The following PRKN variants were observed in gnomAD, a reference collection of about 807,000 sequenced individuals.
PRKN encodes the protein parkin RBR E3 ubiquitin protein ligase.
In PRKN, 56 loss-of-function variants were observed where a neutral mutation model predicts 59.5. That is an observed-to-expected ratio of 0.94 (90% CI 0.76 to 1.18). The LOEUF (loss-of-function observed/expected upper bound fraction) is 1.18, where lower values mean the gene tolerates loss of function less well. Among genes scored for constraint, PRKN ranks in the 50% most tolerant of loss-of-function variants. The pLI, the probability that PRKN is intolerant of heterozygous loss-of-function variation, is 0.00. For missense variants in PRKN, 657 were observed against 596.4 expected, an observed-to-expected ratio of 1.10 and a Z score of -1.06; for synonymous variants, 250 against 222.1, an observed-to-expected ratio of 1.13 and a Z score of -1.12.
chr6:161,889,660 T>C (rs1251070153), intron 6 of PRKN, among the ~76,000 whole-genome samples: 1 of 152,182 alleles, frequency 6.6e-6, no homozygotes, highest in Non-Finnish European at 1.5e-5. Flanking sequence ...CACAGTAATT[T>C]CTACAGGTGT....
chr6:162,450,271 T>C (rs12194250), intron 1 of PRKN, among the ~76,000 whole-genome samples: 11 of 149,300 alleles, frequency 7.4e-5, no homozygotes. Context: ...CCCCTATGAC[T>C]GTAAATGCCC....
chr6:162,682,693 G>C (rs995965770), intron 1 of PRKN, among the ~76,000 whole-genome samples: 2 of 151,954 alleles, frequency 1.3e-5, no homozygotes, highest in African/African-American at 4.8e-5. Context: ...TTGTATATCA[G>C]ATCAACAGGC....
intron 4 of PRKN, among the ~76,000 whole-genome samples, chr6:162,170,446 C>CA (rs1176817336): frequency 6.6e-6 from 1 of 151,880 alleles, no homozygotes; most frequent in East Asian, 1.9e-4. Flanking sequence ...CCTCTCTGTC[C>CA]AAAAAAATAC....
intron 3 of PRKN, among the ~76,000 whole-genome samples, chr6:162,202,058 C>A (rs1232344875): frequency 6.6e-6 from 1 of 152,118 alleles, no homozygotes; most frequent in African/African-American, 2.4e-5. Context: ...AGAAATACAA[C>A]CTTCTTCCTG....
chr6:162,349,016 C>A (rs1292296677), intron 2 of PRKN, among the ~76,000 whole-genome samples: 2 of 152,088 alleles, frequency 1.3e-5, no homozygotes, highest in East Asian at 3.9e-4. Context: ...ATGAAATGGA[C>A]AAATTCTTTG....
rs1562433349 is a variant in PRKN, at chr6:161,977,541, G to GTTTTTTTTTTTTTTTTTTT, written c.619-4125_619-4124insAAAAAAAAAAAAAAAAAAA. On this transcript the variant is annotated intron_variant, in intron 5 of 11. Transcript: ENST00000366898. Reference sequence around the variant, plus strand: ...TATCTTCTCTACTTTCTGTTTTTTTGGTTTTTTTTTTTTTTTTTTTTTTTA... The same window carrying GTTTTTTTTTTTTTTTTTTT: ...TATCTTCTCTACTTTCTGTTTTTTTGTTTTTTTTTTTTTTTTTTTGTTTTTTTTTTTTTTTTTTTTTTTA... Among the ~76,000 whole-genome samples, 9 of 98,714 alleles carry GTTTTTTTTTTTTTTTTTTT rather than the reference G, an allele frequency of 9.1e-5. 4 individuals carry two copies. The highest frequency in any genetic ancestry group is 7.6e-5 in the Non-Finnish European group (4 of 52,504). 64.8% of individuals were successfully genotyped at this position (98,714 alleles called of 152,430 possible).
intron 7 of PRKN, among the ~76,000 whole-genome samples, chr6:161,775,325 C>A (rs1388953349): frequency 6.6e-6 from 1 of 152,080 alleles, no homozygotes; most frequent in Non-Finnish European, 1.5e-5. Flanking sequence ...TCACTGCAAC[C>A]TCAGCCTCCC....
Position 161,409,939 on chromosome 6 carries a change from A to C in PRKN, c.1084-23062T>G, listed in dbSNP as rs1787446461. ...TTCAGGTGAGAAGCAGAATTGGAAA[A>C]TATTTCAGGGAGTATTTGAAACAGG... On this transcript the variant is annotated intron_variant, in intron 9 of 11. Transcript: ENST00000366898. This position sits in a 1 kb window ranked among gnomAD's most constrained non-coding sequence, Gnocchi z 4.6. 6.6e-6 allele frequency among the ~76,000 whole-genome samples: 1 copy of C among 152,212 alleles called. No individual in the cohort carries two copies.
intron 6 of PRKN, among the ~76,000 whole-genome samples, chr6:161,859,285 C>T (rs944392733): frequency 1.3e-5 from 2 of 152,152 alleles, no homozygotes; most frequent in African/African-American, 2.4e-5. Flanking sequence ...GCGTACCTCT[C>T]TCTTCTCACA....
At position 161,529,947 on chromosome 6, in the gene PRKN, T is replaced by A. The variant is rs776473145; in HGVS notation, c.1083+18907A>T. ...TATATAATAAAATAACACAGGAACA[T>A]TAATCTACTTTGTAGAGTAGTGAAA... On this transcript the variant is annotated intron_variant, in intron 9 of 11. Transcript: ENST00000366898. The surrounding 1 kb of genome is among the most constrained non-coding windows in gnomAD (Gnocchi z 4.4). Among the ~76,000 whole-genome samples the A allele has an allele frequency of 6.6e-6, 1 of 152,178 alleles. No individual in the cohort carries two copies. The highest frequency in any genetic ancestry group is 1.5e-5 in the Non-Finnish European group (1 of 68,040).
rs551102648 is a variant in PRKN, at chr6:161,597,350, T to C, written c.872-27934A>G. ...AAGGAAGCTGTGCTCCATGAATATT[T>C]TCATATTTCACATTTCTGCATAGCT... On this transcript the variant is annotated intron_variant, in intron 7 of 11. Transcript: ENST00000366898. Among the ~76,000 whole-genome samples, 8 of 152,334 alleles carry C rather than the reference T, an allele frequency of 5.3e-5. No individual in the cohort carries two copies. The South Asian group carries it at 8.3e-4, about 16-fold the overall frequency.
chr6:162,288,920 C>G (rs1433224419), intron 2 of PRKN, among the ~76,000 whole-genome samples: 2 of 152,110 alleles, frequency 1.3e-5, no homozygotes, highest in Admixed American at 6.6e-5. Context: ...GTCAGCAGTA[C>G]CATTGTGAAG....
At chr6:161,607,274 A>C (rs1309370048) in intron 7 of PRKN, among the ~76,000 whole-genome samples, 1 of 152,204 alleles carries the variant, frequency 6.6e-6, no homozygotes, top group Non-Finnish European at 1.5e-5. Context: ...CACGGTTTCC[A>C]ATCAGTTTTT....
intron 2 of PRKN, among the ~76,000 whole-genome samples, chr6:162,391,934 G>A (rs1321137205): frequency 6.6e-6 from 1 of 152,090 alleles, no homozygotes; most frequent in Non-Finnish European, 1.5e-5. Flanking sequence ...TTTAAATAGT[G>A]CACTTGGCTA....
intron 6 of PRKN, among the ~76,000 whole-genome samples, chr6:161,869,589 C>T (rs73603164): frequency 0.022 from 3,330 of 152,204 alleles, 117 homozygotes; most frequent in African/African-American, 0.076. Flanking sequence ...AGCCACATCA[C>T]CCCGCTTCAA....
At position 162,704,415 on chromosome 6, in the gene PRKN, A is replaced by G. The variant is rs138038172; in HGVS notation, c.7+23247T>C. Among the ~76,000 whole-genome samples, 656 of 152,294 alleles carry G rather than the reference A, an allele frequency of 4.3e-3. 5 individuals are homozygous for G. Among genetic ancestry groups the G allele is most frequent in the African/African-American group, 0.015 (603 of 41,566 alleles). Reference sequence around the variant, plus strand: ...GATGAAACCAGGTCATCACCAATCAAATTCCTGGCTTCACTGTTCTATCTT... The same window carrying G: ...GATGAAACCAGGTCATCACCAATCAGATTCCTGGCTTCACTGTTCTATCTT... On this transcript the variant is annotated intron_variant, in intron 1 of 11. Transcript: ENST00000366898.
At chr6:162,159,532 C>G (rs1782668396) in intron 4 of PRKN, among the ~76,000 whole-genome samples, 1 of 152,068 alleles carries the variant, frequency 6.6e-6, no homozygotes, top group Admixed American at 6.6e-5. Context: ...TCTCCCCAAA[C>G]AGATCTATAG....
At chr6:162,365,539 C>G (rs1347503225) in intron 2 of PRKN, among the ~76,000 whole-genome samples, 1 of 152,090 alleles carries the variant, frequency 6.6e-6, no homozygotes, top group Non-Finnish European at 1.5e-5. Flanking sequence ...TCTGGAACTT[C>G]TTATACCAAA....
At chr6:162,684,976 C>T (rs1033344384) in intron 1 of PRKN, among the ~76,000 whole-genome samples, 14 of 152,002 alleles carry the variant, frequency 9.2e-5, no homozygotes, top group East Asian at 3.9e-4. Context: ...AACATGTTTA[C>T]GGTGTAAAAA....
Sources: gnomAD v4.1 joint callset for allele counts (sites outside exome capture counted in the v4.1 genomes callset) on GRCh38, gnomAD v4.1.1 for gene constraint, Gnocchi (gnomAD v3.1) non-coding constraint, MANE v1.5 for transcripts, NCBI Gene and HGNC (gene_info 2026-07-23, HGNC 2026-07-21) for gene names.